Variants in METTL25 observed in about 807,000 individuals in gnomAD.
METTL25 encodes methyltransferase like 25, also known as probable methyltransferase-like protein 25.
Under a neutral mutation model 71.6 loss-of-function variants are expected in METTL25, and 64 were observed. That is an observed-to-expected ratio of 0.89 (90% confidence interval 0.73 to 1.10). The LOEUF (loss-of-function observed/expected upper bound fraction) is 1.10, where lower values mean the gene tolerates loss of function less well. Ranked by LOEUF, METTL25 falls within the 50% of genes least tolerant of loss-of-function variation. The pLI is 0.00. For missense variants in METTL25, 807 were observed against 707.0 expected (o/e 1.14, Z -1.60); for synonymous variants, 287 against 250.3 (o/e 1.15, Z -1.38).
intron 1 of METTL25, among the ~76,000 whole-genome samples, chr12:82,381,765 G>A (rs979107864): frequency 2.0e-5 from 3 of 152,182 alleles, no homozygotes; most frequent in African/African-American, 4.8e-5. Flanking sequence ...GGAAGGCAAA[G>A]CCTTAAAATG....
intron 6 of METTL25, among the ~76,000 whole-genome samples, chr12:82,433,761 T>G (rs758763195): frequency 4.6e-5 from 7 of 151,602 alleles, no homozygotes; most frequent in African/African-American, 1.4e-4. Flanking sequence ...TTTAGCTATA[T>G]GTAAACAGTT....
intron 9 of METTL25, among the ~76,000 whole-genome samples, chr12:82,470,741 T>A (rs1487918125): frequency 6.6e-6 from 1 of 152,236 alleles, no homozygotes; most frequent in Non-Finnish European, 1.5e-5. Context: ...TTCAGAAAGT[T>A]GAAGGGTCTT....
chr12:82,469,435 A>G (rs1053839296), intron 9 of METTL25, among the ~76,000 whole-genome samples: 5 of 152,016 alleles, frequency 3.3e-5, no homozygotes, highest in Non-Finnish European at 4.4e-5. Flanking sequence ...TCACACCCCA[A>G]TAGGAAGGAG....
Position 82,358,588 on chromosome 12 carries a change from C to A in METTL25, c.23C>A (p.Pro8Gln), listed in dbSNP as rs1356127479. ...GTCATGGCGGCTTCTTGCCCTCTCC[C>A]GGTGACCCCGGACCTGCCCACGCTG... is the stretch of plus-strand genomic sequence containing the variant. MAASCPL[P>Q]VTPDLPTLRA... The change falls in exon 1 of 12, where the codon CCG becomes CAG. Residue 8 changes from proline (P) to glutamine (Q), a missense_variant. Pro to Gln is a moderately conservative substitution (Grantham distance 76). Transcript: ENST00000248306. 3.7e-6 allele frequency: 6 copies of A among 1,612,368 alleles called. No homozygotes were observed. Among genetic ancestry groups the A allele is most frequent in the Non-Finnish European group, 5.1e-6 (6 of 1,179,944 alleles).
intron 1 of METTL25, among the ~76,000 whole-genome samples, chr12:82,363,463 C>G (rs1022322016): frequency 2.6e-5 from 4 of 152,148 alleles, no homozygotes; most frequent in Non-Finnish European, 5.9e-5. Context: ...CAAAATCTGA[C>G]TAGAAAATCT....
chr12:82,382,029 G>A (rs1404679886), intron 1 of METTL25, among the ~76,000 whole-genome samples: 1 of 152,186 alleles, frequency 6.6e-6, no homozygotes, highest in Non-Finnish European at 1.5e-5. Context: ...GGCACAAGAA[G>A]CATTTCAGGT....
At chr12:82,395,339 C>CT (rs1749341221) in intron 3 of METTL25, among the ~76,000 whole-genome samples, 1 of 151,904 alleles carries the variant, frequency 6.6e-6, no homozygotes, top group Admixed American at 6.6e-5. Context: ...TATGATCAGA[C>CT]TTTGTTTTTC....
intron 1 of METTL25, among the ~76,000 whole-genome samples, chr12:82,383,359 A>C (rs1404486827): frequency 1.3e-5 from 2 of 150,570 alleles, no homozygotes; most frequent in Non-Finnish European, 3.0e-5. Flanking sequence ...TTGTTTGTCC[A>C]CTGTACTTAA....
intron 5 of METTL25, among the ~76,000 whole-genome samples, chr12:82,408,507 T>C (rs778073666): frequency 3.9e-5 from 6 of 152,004 alleles, no homozygotes; most frequent in Non-Finnish European, 8.8e-5. Flanking sequence ...AGGAGAAAAA[T>C]CTAGAACAAG....
intron 1 of METTL25, 125 bp from the exon 2 acceptor site, chr12:82,386,678 A>T: frequency 1.2e-6 from 1 of 800,928 alleles, no homozygotes; most frequent in Non-Finnish European, 1.9e-6. Context: ...TATTGCCAAA[A>T]TTCACAACAA....
At chr12:82,445,582 ATTTTTCGTTGTC>A (rs1197676129) in intron 8 of METTL25, among the ~76,000 whole-genome samples, 1 of 152,048 alleles carries the variant, frequency 6.6e-6, no homozygotes, top group Non-Finnish European at 1.5e-5. Flanking sequence ...GTTCTTGTCT[ATTTTTCGTTGTC>A]TTTAGGGCAG....
In METTL25 at chr12:82,449,612, C is replaced by A. The variant is rs142653284; in HGVS notation, c.1479-7115C>A. Among the ~76,000 whole-genome samples, 20 of 152,076 alleles carry A rather than the reference C, an allele frequency of 1.3e-4. No homozygotes were observed. In the East Asian group the frequency reaches 3.7e-3, roughly 28 times the overall value. ...AGACATCTCTGTGATAGCTTTCTTT[C>A]CTCCTTTTCTTCTTTTTCTGTTCTC... On this transcript the variant is annotated intron_variant, in intron 8 of 11. Transcript: ENST00000248306.
At chr12:82,363,714 AAAAAAAACTAGATGTTT>A (rs1882224342) in intron 1 of METTL25, among the ~76,000 whole-genome samples, 2 of 130,166 alleles carry the variant, frequency 1.5e-5, no homozygotes, top group African/African-American at 5.5e-5. Context: ...TTTTTCAACT[AAAAAAAACTAGATGTTT>A]AAAAAAAAAA....
rs117324328 is a variant in METTL25 at position 82,385,703 on chromosome 12, G to A, written c.260-1100G>A. ...CATCCATCATAATAAGCAGGGGTGT[G>A]CTGCAGTAATAAACTTAAAACTCAC... On this transcript the variant is annotated intron_variant, in intron 1 of 11. Transcript: ENST00000248306. Among the ~76,000 whole-genome samples the A allele has an allele frequency of 2.1e-4, 32 of 152,222 alleles. No homozygotes were observed. In the East Asian group the frequency reaches 5.6e-3, roughly 27 times the overall value.
At chr12:82,402,016 A>C (rs1004556029) in intron 4 of METTL25, among the ~76,000 whole-genome samples, 3 of 152,150 alleles carry the variant, frequency 2.0e-5, no homozygotes, top group Admixed American at 2.0e-4. Flanking sequence ...AAGACAGAAG[A>C]GTATTATTAG....
At chr12:82,386,992 G>C (rs767696590) in intron 2 of METTL25, 25 bp downstream of exon 2, 3 of 1,587,126 alleles carry the variant, frequency 1.9e-6, no homozygotes, top group Non-Finnish European at 2.6e-6. Context: ...GTGTGTGTAT[G>C]TGTGCTTTTT....
chr12:82,381,988 A>G (rs1366120326), intron 1 of METTL25, among the ~76,000 whole-genome samples: 1 of 152,160 alleles, frequency 6.6e-6, no homozygotes, highest in African/African-American at 2.4e-5. Flanking sequence ...TTTACATCAG[A>G]GTTGATGGGT....
At chr12:82,446,049 A>G (rs1342188758) in intron 8 of METTL25, among the ~76,000 whole-genome samples, 4 of 152,146 alleles carry the variant, frequency 2.6e-5, no homozygotes, top group Non-Finnish European at 5.9e-5. Context: ...CTTACGTCAC[A>G]TAAAATAGAC....
chr12:82,389,795 T>G, intron 2 of METTL25, 21 bp from the exon 3 acceptor site: 1 of 1,452,426 alleles, frequency 6.9e-7, no homozygotes, highest in Non-Finnish European at 9.6e-7. Flanking sequence ...TAATAGCAGT[T>G]TTTACTTTTA....
Sources: allele counts gnomAD v4.1 joint callset (sites outside exome capture counted in the v4.1 genomes callset), GRCh38; gene constraint gnomAD v4.1.1; transcripts MANE v1.5; gene names NCBI Gene and HGNC (gene_info 2026-07-23, HGNC 2026-07-21).